MMADHC: variants seen among roughly 807,000 people sequenced by gnomAD.
MMADHC encodes the protein cobalamin trafficking protein CblD.
A neutral mutation model predicts 36.3 loss-of-function variants in MMADHC; 23 were observed. The ratio of observed to expected loss-of-function variants is 0.63; its 90% CI spans 0.46 to 0.90. MMADHC has a LOEUF of 0.90. Among genes scored for constraint, MMADHC ranks in the 40% least tolerant of loss-of-function variants. MMADHC has a pLI of 0.00. For missense variants in MMADHC, 330 were observed against 348.0 expected, an observed-to-expected ratio of 0.95 and a Z score of 0.41; for synonymous variants, 97 against 116.1, an observed-to-expected ratio of 0.84 and a Z score of 1.06.
chr2:149,579,542 A>G lies in MMADHC; in HGVS notation c.261T>C (p.Thr87=), dbSNP rs1682765010. The change falls in exon 4 of 8, where the codon ACT becomes ACC. Residue 87 remains threonine (T), a synonymous_variant. Coordinates refer to ENST00000303319, the MANE Select transcript of MMADHC (RefSeq NM_015702.3). Reference sequence around the variant, plus strand: ...GAACCAGGCTTTTCTTCTGTGAAGCAGTCCCATTGAGGTGACAATCAAAAC... The same window carrying G: ...GAACCAGGCTTTTCTTCTGTGAAGCGGTCCCATTGAGGTGACAATCAAAAC... ...NIGFDCHLNG[T]ASQKKSLVHK... 1 of 1,613,918 alleles carries G rather than the reference A, an allele frequency of 6.2e-7. No individual in the cohort carries two copies. Among genetic ancestry groups the G allele is most frequent in the Non-Finnish European group, 8.5e-7 (1 of 1,179,982 alleles).
At position 149,570,260 on chromosome 2, in the gene MMADHC, C is replaced by T. The variant is rs1573873947; in HGVS notation, c.697-92G>A. The T allele has an allele frequency of 2.6e-5, 28 of 1,062,158 alleles. No individual in the cohort carries two copies. In the South Asian group the frequency reaches 3.0e-4, roughly 11 times the overall value. 65.8% of individuals were successfully genotyped at this position (1,062,158 alleles called of 1,614,324 possible). On this transcript the variant is annotated intron_variant, in intron 7 of 7. Transcript: ENST00000303319. ...ACATGAACACCTATCTACTTTAATA[C>T]TCCAAATATTTAAAAAACTAAATAA...
At chr2:149,575,644 AG>A in intron 6 of MMADHC, 66 bp downstream of exon 6, 1 of 1,314,724 alleles carries the variant, frequency 7.6e-7, no homozygotes, top group East Asian at 2.3e-5. Flanking sequence ...CATCATTTTA[AG>A]ACATTGGTTC....
intron 2 of MMADHC, among the ~76,000 whole-genome samples, chr2:149,582,593 CAACT>C: frequency 6.6e-6 from 1 of 152,250 alleles, no homozygotes; most frequent in East Asian, 1.9e-4. Context: ...AAAGGTAGCA[CAACT>C]AACAAGATTC....
At chr2:149,586,869 T>C in intron 2 of MMADHC, 1 of 568,730 alleles carries the variant, frequency 1.8e-6, no homozygotes, top group South Asian at 2.3e-5. Flanking sequence ...TTTCCACATC[T>C]GTACAAATGA....
At chr2:149,585,215 C>T (rs1457744509) in intron 2 of MMADHC, among the ~76,000 whole-genome samples, 2 of 152,080 alleles carry the variant, frequency 1.3e-5, no homozygotes, top group Non-Finnish European at 2.9e-5. Flanking sequence ...AGAGTTCATT[C>T]TAGTTTGAGG....
intron 2 of MMADHC, among the ~76,000 whole-genome samples, chr2:149,583,245 G>T (rs1190105064): frequency 6.6e-6 from 1 of 152,104 alleles, no homozygotes; most frequent in Admixed American, 6.6e-5. Flanking sequence ...GAAATCCTTG[G>T]GAGAAAAGGT....
Position 149,570,141 on chromosome 2 carries a change from G to A in MMADHC, c.724C>T (p.Leu242Phe). ...CGGTAGCGTTCATCAGTTTCAAAAA[G>A]AGTGTTGTTTGTATATGGTCCAAAA... ...AFFGPYTNNT[L>F]FETDERYRHL... The change falls in exon 8 of 8, where the codon CTT becomes TTT. Residue 242 changes from leucine to phenylalanine, a missense_variant. Transcript: ENST00000303319. 1.2e-6 allele frequency: 2 copies of A among 1,613,762 alleles called. No homozygotes were observed. The highest frequency in any genetic ancestry group is 8.5e-7 in the Non-Finnish European group (1 of 1,179,798).
At chr2:149,576,290 G>A (rs1218467963) in intron 5 of MMADHC, 147 bp downstream of exon 5, 3 of 667,924 alleles carry the variant, frequency 4.5e-6, no homozygotes, top group South Asian at 3.5e-5. Context: ...ACATTTCAAA[G>A]CCTTTATCTT....
intron 6 of MMADHC, chr2:149,572,283 G>A (rs1266120468): frequency 1.0e-5 from 4 of 397,090 alleles, no homozygotes; most frequent in Middle Eastern, 4.1e-4. Context: ...AGATTGCAGT[G>A]AGCTGAGATC....
chr2:149,583,409 A>T (rs1000122684), intron 2 of MMADHC, among the ~76,000 whole-genome samples: 6 of 152,164 alleles, frequency 3.9e-5, no homozygotes, highest in South Asian at 2.1e-4. Flanking sequence ...GAATGCAATT[A>T]AAAAAAGGTT....
chr2:149,587,229 A>C, intron 1 of MMADHC, 80 bp from the exon 2 acceptor site: 1 of 884,982 alleles, frequency 1.1e-6, no homozygotes. Flanking sequence ...CCACTCTTCG[A>C]AGGTGTGTCG....
intron 6 of MMADHC, among the ~76,000 whole-genome samples, chr2:149,573,778 G>A (rs541030077): frequency 1.3e-5 from 2 of 152,060 alleles, no homozygotes; most frequent in South Asian, 4.2e-4. Context: ...TCAATTTAAT[G>A]AACAGATGTG....
chr2:149,581,974 T>A (rs1197540832), intron 3 of MMADHC, among the ~76,000 whole-genome samples, 153 bp downstream of exon 3: 1 of 152,162 alleles, frequency 6.6e-6, no homozygotes, highest in African/African-American at 2.4e-5. Context: ...CTTTCTGACA[T>A]AAATATATTT....
chr2:149,579,311 A>T, intron 4 of MMADHC, 120 bp downstream of exon 4: 1 of 909,816 alleles, frequency 1.1e-6, no homozygotes, highest in Non-Finnish European at 1.7e-6. Context: ...GTTTTTGTAT[A>T]TACATGTACT....
intron 2 of MMADHC, chr2:149,586,877 T>G: frequency 1.7e-6 from 1 of 591,050 alleles, no homozygotes; most frequent in South Asian, 2.1e-5. Context: ...TCTGTACAAA[T>G]GAAATTGTAT....
intron 6 of MMADHC, chr2:149,572,468 A>G (rs1682658259): frequency 5.0e-6 from 1 of 200,776 alleles, no homozygotes; most frequent in South Asian, 6.5e-5. Context: ...ACCCTGAACA[A>G]CAGGTGAGAC....
chr2:149,576,770 T>C (rs546926233), intron 4 of MMADHC, among the ~76,000 whole-genome samples: 4 of 152,306 alleles, frequency 2.6e-5, no homozygotes, highest in African/African-American at 9.6e-5. Context: ...AGCATGAATA[T>C]ATAAATATAC....
chr2:149,586,413 A>G (rs973221015), intron 2 of MMADHC, among the ~76,000 whole-genome samples: 5 of 152,112 alleles, frequency 3.3e-5, no homozygotes, highest in African/African-American at 9.7e-5. Context: ...TCCCGCTCAT[A>G]TTTTAGACTA....
intron 4 of MMADHC, among the ~76,000 whole-genome samples, chr2:149,578,986 CTTTT>C (rs1210920381): frequency 1.4e-5 from 2 of 138,536 alleles, no homozygotes; most frequent in Non-Finnish European, 3.1e-5. Flanking sequence ...AAACTGGTTC[CTTTT>C]TTTTTTTTTT....
Sources: gnomAD v4.1 joint callset for allele counts (sites outside exome capture counted in the v4.1 genomes callset) on GRCh38, gnomAD v4.1.1 for gene constraint, MANE v1.5 for transcripts, NCBI Gene and HGNC (gene_info 2026-07-23, HGNC 2026-07-21) for gene names.